The following RABEP1 variants were observed in gnomAD, a reference collection of about 807,000 sequenced individuals.
RABEP1 encodes rabaptin, RAB GTPase binding effector protein 1, also known as rab GTPase-binding effector protein 1.
RABEP1 carries 51 observed loss-of-function variants against 123.4 expected under a neutral mutation model. The observed-to-expected ratio is 0.41, with a 90% CI of 0.33 to 0.52. RABEP1 has a LOEUF of 0.52. Ranked by LOEUF, RABEP1 falls within the 20% of genes least tolerant of loss-of-function variation. The probability of loss-of-function intolerance (pLI) is 0.16; values close to 1 mark genes in which losing one functional copy is unlikely to be tolerated. For synonymous variants in RABEP1, 347 were observed against 355.2 expected, an observed-to-expected ratio of 0.98 and a Z score of 0.26; for missense variants, 888 against 996.3, an observed-to-expected ratio of 0.89 and a Z score of 1.46.
intron 1 of RABEP1, among the ~76,000 whole-genome samples, chr17:5,296,187 G>A (rs979289358): frequency 2.0e-5 from 3 of 152,166 alleles, no homozygotes; most frequent in African/African-American, 2.4e-5. Flanking sequence ...GCTAAGGTTC[G>A]AGAATTTTTG....
At chr17:5,303,464 ACTC>A (rs2075153932) in intron 1 of RABEP1, among the ~76,000 whole-genome samples, 1 of 151,920 alleles carries the variant, frequency 6.6e-6, no homozygotes, top group South Asian at 2.1e-4. Context: ...TTGGTCTTGA[ACTC>A]CTGTCCTGAA....
chr17:5,282,717 G>A (rs1381621668), intron 1 of RABEP1, among the ~76,000 whole-genome samples, 197 bp downstream of exon 1: 1 of 148,664 alleles, frequency 6.7e-6, no homozygotes, highest in Non-Finnish European at 1.5e-5. Flanking sequence ...CTGGGGAGGG[G>A]GCGGGAGGCG....
intron 1 of RABEP1, among the ~76,000 whole-genome samples, chr17:5,289,155 C>T (rs2075007752): frequency 2.3e-5 from 2 of 86,646 alleles, no homozygotes; most frequent in Admixed American, 1.5e-4. Context: ...TCCCTTCCTC[C>T]CTCCCTTTCT....
intron 2 of RABEP1, among the ~76,000 whole-genome samples, chr17:5,328,631 G>A (rs77310116): frequency 0.12 from 16,195 of 129,630 alleles, 1,213 homozygotes; most frequent in African/African-American, 0.23. Flanking sequence ...GGGCGATAGA[G>A]TGAGACGCTG....
chr17:5,319,340 A>AC (rs1290922156), intron 2 of RABEP1, among the ~76,000 whole-genome samples: 1 of 121,390 alleles, frequency 8.2e-6, no homozygotes, highest in Middle Eastern at 4.2e-3. Flanking sequence ...AAAAAAAAAA[A>AC]ACAAAAAAAC....
intron 1 of RABEP1, among the ~76,000 whole-genome samples, chr17:5,291,190 C>G (rs2075029735): frequency 6.6e-6 from 1 of 152,048 alleles, no homozygotes; most frequent in Non-Finnish European, 1.5e-5. Flanking sequence ...GTGGGTGGAC[C>G]ACGCGGTCAG....
Position 5,386,309 on chromosome 17 carries a change from A to G in RABEP1, c.*3086A>G, listed in dbSNP as rs376709867. 115 of 1,447,512 alleles carry G rather than the reference A, an allele frequency of 7.9e-5. No homozygotes were observed. The highest frequency in any genetic ancestry group is 7.0e-4 in the Middle Eastern group (4 of 5,686). 89.7% of individuals were successfully genotyped at this position (1,447,512 alleles called of 1,614,324 possible). ...AGTCACTCACTTTTGGAATTATAAT[A>G]AACCATTTATATGGATTCTTAAGAA... On this transcript the variant is annotated 3_prime_UTR_variant, in exon 18 of 18. Transcript: ENST00000537505.
intron 1 of RABEP1, among the ~76,000 whole-genome samples, chr17:5,304,671 G>A (rs75995401): frequency 0.021 from 3,189 of 152,152 alleles, 112 homozygotes; most frequent in African/African-American, 0.073. Flanking sequence ...CGGGATGTGT[G>A]GAACTGTTGA....
At chr17:5,291,790 C>CCT (rs1181769893) in intron 1 of RABEP1, among the ~76,000 whole-genome samples, 1 of 152,164 alleles carries the variant, frequency 6.6e-6, no homozygotes, top group East Asian at 1.9e-4. Context: ...GTAATCCCAG[C>CCT]TACTCCAGAG....
At chr17:5,333,944 A>G (rs1295545877) in intron 3 of RABEP1, among the ~76,000 whole-genome samples, 2 of 152,266 alleles carry the variant, frequency 1.3e-5, no homozygotes, top group South Asian at 2.1e-4. Context: ...TGGACAATGT[A>G]GTTTTAAAAT....
intron 2 of RABEP1, 132 bp downstream of exon 2, chr17:5,308,954 G>A (rs2075208610): frequency 1.1e-6 from 1 of 948,084 alleles, no homozygotes; most frequent in African/African-American, 1.7e-5. Flanking sequence ...AAAGAATACT[G>A]TTTAAAGGCT....
rs1468186566 is a variant in RABEP1 at position 5,311,702 on chromosome 17, A to G, written c.163+2880A>G. Among the ~76,000 whole-genome samples, 54 of 150,482 alleles carry G rather than the reference A, an allele frequency of 3.6e-4. 1 individual carries two copies. The highest frequency in any genetic ancestry group is 1.6e-3 in the Admixed American group (24 of 15,120). On this transcript the variant is annotated intron_variant, in intron 2 of 17. Coordinates refer to ENST00000537505, the MANE Select transcript of RABEP1 (RefSeq NM_004703.6). ...GTGACAGAGCGACTTCATCTCAAAA[A>G]AAAAAAAAAAAAAAAAAACAGACTA...
intron 8 of RABEP1, among the ~76,000 whole-genome samples, chr17:5,359,952 G>A (rs75855990): frequency 0.14 from 21,400 of 152,162 alleles, 1,559 homozygotes; most frequent in African/African-American, 0.16. Context: ...GCTGTACCAC[G>A]TTGTTTAAAA....
chr17:5,314,772 C>G (rs2075280270), intron 2 of RABEP1, among the ~76,000 whole-genome samples: 2 of 152,230 alleles, frequency 1.3e-5, no homozygotes, highest in African/African-American at 4.8e-5. Context: ...CCCACTTCAG[C>G]TTCCCAAAGT....
intron 6 of RABEP1, among the ~76,000 whole-genome samples, chr17:5,349,868 A>G (rs1343207565): frequency 6.6e-6 from 1 of 152,212 alleles, no homozygotes; most frequent in Non-Finnish European, 1.5e-5. Context: ...AGCCTTTGCA[A>G]AATAACAATA....
intron 13 of RABEP1, among the ~76,000 whole-genome samples, chr17:5,375,667 C>T (rs1910931784): frequency 6.6e-6 from 1 of 151,710 alleles, no homozygotes; most frequent in Non-Finnish European, 1.5e-5. Flanking sequence ...GATCGCGCCA[C>T]TGCCCTCCAG....
chr17:5,300,958 G>T (rs939302852), intron 1 of RABEP1, among the ~76,000 whole-genome samples: 13 of 152,136 alleles, frequency 8.5e-5, no homozygotes, highest in Admixed American at 1.3e-4. Context: ...TTCTGATTCC[G>T]GGAAGCCTGG....
chr17:5,353,324 C>T (rs1411749486), intron 7 of RABEP1, among the ~76,000 whole-genome samples: 1 of 152,164 alleles, frequency 6.6e-6, no homozygotes, highest in African/African-American at 2.4e-5. Flanking sequence ...TTTGGGCCTC[C>T]TTTGCTGGTT....
chr17:5,374,675 T>C (rs1315585464), intron 13 of RABEP1, among the ~76,000 whole-genome samples: 1 of 152,160 alleles, frequency 6.6e-6, no homozygotes. Context: ...AGTCTTGCTC[T>C]GTCACCCAGG....
Sources: allele counts gnomAD v4.1 joint callset (sites outside exome capture counted in the v4.1 genomes callset), GRCh38; gene constraint gnomAD v4.1.1; transcripts MANE v1.5; gene names NCBI Gene and HGNC (gene_info 2026-07-23, HGNC 2026-07-21).